Variants in ATP8A2 observed in about 807,000 individuals in gnomAD.
ATP8A2 encodes phospholipid-transporting ATPase IB.
In ATP8A2, 100 loss-of-function variants were observed where a neutral mutation model predicts 165.6. That is an observed-to-expected ratio of 0.60 (90% CI 0.51 to 0.71). The LOEUF is 0.71. ATP8A2 is among the 30% of genes least tolerant of loss of function. The pLI is 0.00. For synonymous variants in ATP8A2, 543 were observed against 548.8 expected (o/e 0.99, Z 0.15); for missense variants, 1,227 against 1,479.5 (o/e 0.83, Z 2.80).
intron 33 of ATP8A2, among the ~76,000 whole-genome samples, chr13:25,921,526 G>A (rs1175781328): frequency 6.6e-6 from 1 of 151,130 alleles, no homozygotes; most frequent in East Asian, 1.9e-4. Context: ...GGGAGGCTGA[G>A]GCAGGAAAAT....
At chr13:25,827,709 G>A (rs1164460938) in intron 27 of ATP8A2, among the ~76,000 whole-genome samples, 4 of 152,146 alleles carry the variant, frequency 2.6e-5, no homozygotes, top group African/African-American at 9.7e-5. Flanking sequence ...TTTTGTTGTT[G>A]TTTTTAATTT....
chr13:25,790,835 C>T (rs1219906848), intron 27 of ATP8A2, among the ~76,000 whole-genome samples: 5 of 151,986 alleles, frequency 3.3e-5, no homozygotes, highest in Non-Finnish European at 7.4e-5. Flanking sequence ...AGTGAAATAC[C>T]ATCTGACACC....
chr13:25,874,601 T>C (rs1952774953), intron 33 of ATP8A2, among the ~76,000 whole-genome samples: 2 of 152,168 alleles, frequency 1.3e-5, no homozygotes, highest in Non-Finnish European at 2.9e-5. Context: ...ATCGAAACGC[T>C]TGTGACCTGT....
At chr13:25,401,987 A>T (rs2033651805) in intron 1 of ATP8A2, among the ~76,000 whole-genome samples, 1 of 151,902 alleles carries the variant, frequency 6.6e-6, no homozygotes, top group Admixed American at 6.6e-5. Context: ...CTCCCAAAAT[A>T]CAGAATATGG....
At chr13:25,412,035 T>C (rs1027322640) in intron 1 of ATP8A2, among the ~76,000 whole-genome samples, 1 of 151,928 alleles carries the variant, frequency 6.6e-6, no homozygotes, top group Non-Finnish European at 1.5e-5. Context: ...CTGTAAAGAT[T>C]TGTAGGGAAT....
intron 1 of ATP8A2, among the ~76,000 whole-genome samples, chr13:25,464,146 G>C (rs2035573041): frequency 6.6e-6 from 1 of 152,132 alleles, no homozygotes; most frequent in Non-Finnish European, 1.5e-5. Context: ...TCAGCCTCCT[G>C]GGTCTGGCTT....
intron 27 of ATP8A2, among the ~76,000 whole-genome samples, chr13:25,790,346 G>T (rs183254049): frequency 6.6e-6 from 1 of 152,050 alleles, no homozygotes; most frequent in Admixed American, 6.6e-5. Context: ...CTAATATCTA[G>T]CATCTATAAG....
intron 9 of ATP8A2, among the ~76,000 whole-genome samples, chr13:25,542,776 T>A (rs1454790966): frequency 6.6e-6 from 1 of 152,216 alleles, no homozygotes; most frequent in Admixed American, 6.5e-5. Context: ...AGCTATACTA[T>A]GGGCTCCCCA....
At chr13:25,892,981 A>T (rs1287439482) in intron 33 of ATP8A2, among the ~76,000 whole-genome samples, 1 of 152,058 alleles carries the variant, frequency 6.6e-6, no homozygotes, top group Admixed American at 6.5e-5. Flanking sequence ...CAAACATAGG[A>T]CATATCAATC....
At position 25,509,663 on chromosome 13, in the gene ATP8A2, C is replaced by A. The variant is rs61948586; in HGVS notation, c.222-20336C>A. ...TGTATTTTTCTTAAAGCAAGATTCCCAAATTGTATACATGTTGTATACAAA... is the reference window on the plus strand; with the variant it reads ...TGTATTTTTCTTAAAGCAAGATTCCAAAATTGTATACATGTTGTATACAAA... On this transcript the variant is annotated intron_variant, in intron 2 of 36. Coordinates refer to ENST00000381655, the MANE Select transcript of ATP8A2 (RefSeq NM_016529.6). 7.5e-3 allele frequency among the ~76,000 whole-genome samples: 1,136 copies of A among 152,104 alleles called. 11 individuals are homozygous for A. Among genetic ancestry groups the A allele is most frequent in the Middle Eastern group, 0.017 (5 of 294 alleles).
chr13:25,799,808 A>T (rs1176337699), intron 27 of ATP8A2, among the ~76,000 whole-genome samples: 2 of 152,234 alleles, frequency 1.3e-5, no homozygotes, highest in African/African-American at 4.8e-5. Flanking sequence ...GGGGGATGTG[A>T]TTGAGCAAAA....
chr13:25,719,354 T>C (rs529537913), intron 25 of ATP8A2, among the ~76,000 whole-genome samples: 6 of 152,258 alleles, frequency 3.9e-5, no homozygotes, highest in Admixed American at 1.3e-4. Context: ...GCTGGGTCTA[T>C]GTGGCAGTTA....
At chr13:25,890,684 G>A (rs1430778878) in intron 33 of ATP8A2, among the ~76,000 whole-genome samples, 1 of 152,200 alleles carries the variant, frequency 6.6e-6, no homozygotes, top group Non-Finnish European at 1.5e-5. Context: ...AGTCTGTGTA[G>A]TAGAAATACG....
Position 25,400,775 on chromosome 13 carries a change from A to G in ATP8A2, c.76+28487A>G, listed in dbSNP as rs566901532. ...GTGCAGAAAGGTTCTTGGGCCTCCT[A>G]TGCTGTGGCAGTTACTGGCTTACGG... is the stretch of plus-strand genomic sequence containing the variant. On this transcript the variant is annotated intron_variant, in intron 1 of 36. Coordinates refer to ENST00000381655, the MANE Select transcript of ATP8A2 (RefSeq NM_016529.6). Among the ~76,000 whole-genome samples, 141 of 152,314 alleles carry G rather than the reference A, an allele frequency of 9.3e-4. 1 individual carries two copies. Among genetic ancestry groups the G allele is most frequent in the Admixed American group, 8.6e-3 (132 of 15,292 alleles).
At chr13:25,543,213 T>A in intron 9 of ATP8A2, 78 bp from the exon 10 acceptor site, 1 of 837,958 alleles carries the variant, frequency 1.2e-6, no homozygotes, top group Non-Finnish European at 2.0e-6. Flanking sequence ...TGATTTATTG[T>A]GGGTTCATGT....
chr13:25,713,283 C>T (rs555593172), intron 25 of ATP8A2, among the ~76,000 whole-genome samples: 6 of 152,310 alleles, frequency 3.9e-5, no homozygotes, highest in South Asian at 4.1e-4. Context: ...GTTCCCACTA[C>T]GTCTGTTTTT....
chr13:25,906,826 G>T (rs1187243276), intron 33 of ATP8A2, among the ~76,000 whole-genome samples: 1 of 152,162 alleles, frequency 6.6e-6, no homozygotes, highest in Non-Finnish European at 1.5e-5. Flanking sequence ...TCTCCCTGGT[G>T]ATCAACTCTG....
At chr13:25,872,258 G>T (rs1046625485) in intron 33 of ATP8A2, among the ~76,000 whole-genome samples, 6 of 152,060 alleles carry the variant, frequency 3.9e-5, no homozygotes, top group Non-Finnish European at 5.9e-5. Flanking sequence ...CTAATTGGGG[G>T]ATGGAGCTCT....
At chr13:25,554,900 C>A in intron 12 of ATP8A2, 91 bp from the exon 13 acceptor site, 1 of 840,162 alleles carries the variant, frequency 1.2e-6, no homozygotes, top group Non-Finnish European at 1.9e-6. Context: ...TTTTAGATTA[C>A]CCATTCTTAG....
Sources: gnomAD v4.1 joint callset for allele counts (sites outside exome capture counted in the v4.1 genomes callset) on GRCh38, gnomAD v4.1.1 for gene constraint, MANE v1.5 for transcripts, NCBI Gene and HGNC (gene_info 2026-07-23, HGNC 2026-07-21) for gene names.